The following BCKDHB variants were observed in gnomAD, a reference collection of about 807,000 sequenced individuals.
BCKDHB encodes branched chain keto acid dehydrogenase E1 subunit beta.
A neutral mutation model predicts 48.5 loss-of-function variants in BCKDHB; 41 were observed. The observed-to-expected ratio is 0.85, with a 90% CI of 0.66 to 1.10. BCKDHB has a LOEUF of 1.10. Ranked by LOEUF, BCKDHB falls within the 50% of genes least tolerant of loss-of-function variation. The probability of loss-of-function intolerance (pLI) is 0.00; values close to 1 mark genes in which losing one functional copy is unlikely to be tolerated. For synonymous variants in BCKDHB, 201 were observed against 174.8 expected (o/e 1.15, Z -1.18); for missense variants, 496 against 494.2 (o/e 1.00, Z -0.03).
At chr6:80,427,509 T>G in the BCKDHB span, among the ~76,000 whole-genome samples, 1 of 152,172 alleles carries the variant, frequency 6.6e-6, no homozygotes, top group African/African-American at 2.4e-5. Context: ...AAAAATAATT[T>G]TAAAAGACTT....
intron 3 of BCKDHB, among the ~76,000 whole-genome samples, chr6:80,133,444 G>C (rs1213980265): frequency 1.3e-5 from 2 of 152,152 alleles, no homozygotes; most frequent in East Asian, 3.9e-4. Flanking sequence ...TGAGTGCTTT[G>C]AAAATTAGAA....
At chr6:80,260,757 G>A (rs1464067336) in intron 8 of BCKDHB, among the ~76,000 whole-genome samples, 7 of 152,112 alleles carry the variant, frequency 4.6e-5, no homozygotes, top group Non-Finnish European at 1.0e-4. Context: ...CAAAATGGAT[G>A]TTTATACTGG....
rs142122558 is a variant in BCKDHB, at chr6:80,114,888, G to A, written c.196+7999G>A. Reference sequence around the variant, plus strand: ...GGTTTTAAAACCACTTAGAGATTGAGTAGAGGAACTAGCTTAAAGGAAGGG... The same window carrying A: ...GGTTTTAAAACCACTTAGAGATTGAATAGAGGAACTAGCTTAAAGGAAGGG... On this transcript the variant is annotated intron_variant, in intron 1 of 9. Transcript: ENST00000320393. Among the ~76,000 whole-genome samples the A allele has an allele frequency of 1.5e-4, 23 of 152,306 alleles. No individual in the cohort carries two copies. The East Asian group carries it at 3.7e-3, about 24-fold the overall frequency.
At chr6:80,319,020 C>G (rs1046741930) in intron 9 of BCKDHB, among the ~76,000 whole-genome samples, 6 of 152,092 alleles carry the variant, frequency 3.9e-5, no homozygotes, top group Admixed American at 3.9e-4. Flanking sequence ...AATGGGAGCA[C>G]AGGAAAGATA....
the BCKDHB span, among the ~76,000 whole-genome samples, chr6:80,387,667 C>G: frequency 6.6e-6 from 1 of 152,246 alleles, no homozygotes; most frequent in African/African-American, 2.4e-5. Flanking sequence ...CCTTTTTCTC[C>G]ACTCCTGTCC....
At chr6:80,462,206 A>C in the BCKDHB span, among the ~76,000 whole-genome samples, 1 of 152,206 alleles carries the variant, frequency 6.6e-6, no homozygotes, top group Non-Finnish European at 1.5e-5. Context: ...TGATGCATTT[A>C]TATTTCATGA....
At chr6:80,182,093 G>T (rs1773439978) in intron 6 of BCKDHB, among the ~76,000 whole-genome samples, 1 of 152,132 alleles carries the variant, frequency 6.6e-6, no homozygotes, top group South Asian at 2.1e-4. Context: ...TGGTCAAGTA[G>T]ATTTCTATTT....
chr6:80,295,753 G>A (rs1452889537), intron 9 of BCKDHB, among the ~76,000 whole-genome samples: 2 of 151,972 alleles, frequency 1.3e-5, no homozygotes, highest in African/African-American at 4.8e-5. Flanking sequence ...ATTTTGTTCA[G>A]GGGAACTCCT....
chr6:80,415,665 C>T, the BCKDHB span, among the ~76,000 whole-genome samples: 2 of 152,148 alleles, frequency 1.3e-5, no homozygotes, highest in African/African-American at 4.8e-5. Flanking sequence ...TTGCTGGATT[C>T]GCCAGGCCAG....
At chr6:80,276,898 G>A (rs1386872597) in intron 9 of BCKDHB, among the ~76,000 whole-genome samples, 4 of 151,882 alleles carry the variant, frequency 2.6e-5, no homozygotes, top group East Asian at 1.9e-4. Flanking sequence ...TCTAATTTAC[G>A]AAGTGCTTTA....
At chr6:80,380,015 G>A in the BCKDHB span, among the ~76,000 whole-genome samples, 1 of 151,990 alleles carries the variant, frequency 6.6e-6, no homozygotes, top group Non-Finnish European at 1.5e-5. Context: ...ATTGCCCAAA[G>A]CAATCTACAG....
intron 9 of BCKDHB, among the ~76,000 whole-genome samples, chr6:80,281,905 A>G (rs551017087): frequency 6.6e-6 from 1 of 152,326 alleles, no homozygotes; most frequent in East Asian, 1.9e-4. Flanking sequence ...AAAAGGTAGA[A>G]AATAGCTTAT....
intron 3 of BCKDHB, among the ~76,000 whole-genome samples, chr6:80,130,831 C>T (rs892454651): frequency 3.3e-5 from 5 of 152,280 alleles, no homozygotes; most frequent in Admixed American, 3.3e-4. Flanking sequence ...ATTTCAAACA[C>T]AGAATTATAC....
At chr6:80,205,233 GT>G (rs968423707) in intron 8 of BCKDHB, among the ~76,000 whole-genome samples, 132 of 151,584 alleles carry the variant, frequency 8.7e-4, no homozygotes, top group African/African-American at 3.0e-3. Context: ...GAAAATGAGG[GT>G]TTTTTTTCCC....
chr6:80,305,432 A>T (rs201438360), intron 9 of BCKDHB, among the ~76,000 whole-genome samples: 7 of 121,124 alleles, frequency 5.8e-5, no homozygotes, highest in South Asian at 3.6e-4. Flanking sequence ...TGACTTAATT[A>T]AAAAAAATTT....
the BCKDHB span, among the ~76,000 whole-genome samples, chr6:80,417,607 G>A: frequency 6.6e-6 from 1 of 152,044 alleles, no homozygotes; most frequent in African/African-American, 2.4e-5. Flanking sequence ...TGTTTAGTTC[G>A]GCCAGATATA....
At chr6:80,292,855 G>T (rs141830254) in intron 9 of BCKDHB, among the ~76,000 whole-genome samples, 64 of 152,220 alleles carry the variant, frequency 4.2e-4, no homozygotes, top group African/African-American at 1.5e-3. Context: ...AAAACAGAAG[G>T]GCTACAATGC....
the BCKDHB span, among the ~76,000 whole-genome samples, chr6:80,452,873 C>A: frequency 6.6e-6 from 1 of 152,164 alleles, no homozygotes; most frequent in Admixed American, 6.5e-5. Context: ...CTTTGTACAA[C>A]CTAATACTTC....
chr6:80,270,170 T>C (rs1215747214), intron 8 of BCKDHB, among the ~76,000 whole-genome samples: 1 of 152,156 alleles, frequency 6.6e-6, no homozygotes, highest in Admixed American at 6.6e-5. Context: ...AAATTTCTAC[T>C]ATACCTCACA....
Sources: allele counts gnomAD v4.1 joint callset (sites outside exome capture counted in the v4.1 genomes callset), GRCh38; gene constraint gnomAD v4.1.1; transcripts MANE v1.5; gene names NCBI Gene and HGNC (gene_info 2026-07-23, HGNC 2026-07-21).